Variants in NFIA observed in about 807,000 individuals in gnomAD.
NFIA encodes nuclear factor 1 A-type.
A neutral mutation model predicts 62.8 loss-of-function variants in NFIA; 8 were observed. The observed-to-expected ratio is 0.13, with a 90% CI of 0.07 to 0.23. The LOEUF (loss-of-function observed/expected upper bound fraction) is 0.23, where lower values mean the gene tolerates loss of function less well. NFIA is among the 10% of genes least tolerant of loss of function. The pLI is 1.00. For missense variants in NFIA, 410 were observed against 642.1 expected (o/e 0.64, Z 3.91); for synonymous variants, 235 against 238.1 (o/e 0.99, Z 0.12).
intron 2 of NFIA, among the ~76,000 whole-genome samples, chr1:61,149,290 A>G (rs1383550566): frequency 1.3e-5 from 2 of 151,988 alleles, no homozygotes; most frequent in Non-Finnish European, 2.9e-5. Context: ...AAATGAACCA[A>G]GTTTGTTTTG....
At chr1:61,361,461 G>A (rs1663286352) in intron 6 of NFIA, among the ~76,000 whole-genome samples, 1 of 152,110 alleles carries the variant, frequency 6.6e-6, no homozygotes, top group Admixed American at 6.6e-5. Flanking sequence ...TATAGGTTTG[G>A]TACATTTGTG....
At chr1:61,092,405 T>C (rs918941392) in intron 2 of NFIA, among the ~76,000 whole-genome samples, 2 of 152,200 alleles carry the variant, frequency 1.3e-5, no homozygotes, top group African/African-American at 4.8e-5. Context: ...CACGGTAATC[T>C]TTTAGTGCAG....
chr1:61,226,368 T>G (rs1290641878), intron 2 of NFIA, among the ~76,000 whole-genome samples: 2 of 152,206 alleles, frequency 1.3e-5, no homozygotes, highest in Non-Finnish European at 2.9e-5. Flanking sequence ...TTCATAATAT[T>G]CCTTTACAAA....
At chr1:61,297,329 G>C (rs1407498997) in intron 3 of NFIA, among the ~76,000 whole-genome samples, 1 of 152,100 alleles carries the variant, frequency 6.6e-6, no homozygotes, top group Non-Finnish European at 1.5e-5. Context: ...AAGAGGCAGT[G>C]CCATTAACCT....
chr1:61,145,251 G>A (rs919637674), intron 2 of NFIA, among the ~76,000 whole-genome samples: 48 of 152,200 alleles, frequency 3.2e-4, no homozygotes, highest in African/African-American at 1.0e-3. Context: ...ACATACTGCC[G>A]TATAACCTGA....
intron 10 of NFIA, among the ~76,000 whole-genome samples, chr1:61,427,741 G>T (rs1666933850): frequency 6.6e-6 from 1 of 152,184 alleles, no homozygotes; most frequent in Non-Finnish European, 1.5e-5. Flanking sequence ...AGGACAGGGG[G>T]AGCTAAAAGG....
At chr1:61,146,095 T>C (rs541466097) in intron 2 of NFIA, among the ~76,000 whole-genome samples, 3 of 152,292 alleles carry the variant, frequency 2.0e-5, no homozygotes, top group Admixed American at 1.3e-4. Flanking sequence ...GAGAACCTGT[T>C]CCTTGGGCCT....
chr1:61,218,559 AAAG>A (rs1275907262), intron 2 of NFIA, among the ~76,000 whole-genome samples: 6 of 152,224 alleles, frequency 3.9e-5, no homozygotes, highest in Non-Finnish European at 8.8e-5. Context: ...ATTCTAGGAA[AAAG>A]AAGAAAATAA....
At chr1:61,358,257 C>A (rs920136375) in intron 5 of NFIA, among the ~76,000 whole-genome samples, 4 of 151,550 alleles carry the variant, frequency 2.6e-5, no homozygotes, top group African/African-American at 9.7e-5. Flanking sequence ...TAGAGCAGGA[C>A]CTGGACTAGC....
At chr1:61,400,916 GAAAC>G (rs1665527066) in intron 7 of NFIA, among the ~76,000 whole-genome samples, 1 of 152,202 alleles carries the variant, frequency 6.6e-6, no homozygotes, top group Non-Finnish European at 1.5e-5. Flanking sequence ...GGAGAGAAGA[GAAAC>G]AAAGTTAGGC....
intron 2 of NFIA, among the ~76,000 whole-genome samples, chr1:61,138,768 G>C (rs1220388544): frequency 1.3e-5 from 2 of 151,732 alleles, no homozygotes; most frequent in Non-Finnish European, 2.9e-5. Flanking sequence ...CTTTAGTAGA[G>C]ACATGGTTTC....
intron 2 of NFIA, among the ~76,000 whole-genome samples, chr1:61,276,178 G>A (rs985779190): frequency 5.3e-5 from 8 of 152,176 alleles, no homozygotes; most frequent in Non-Finnish European, 1.0e-4. Context: ...AAGATTATCT[G>A]AAAATTTTAA....
chr1:61,367,476 G>A (rs1371365530), intron 6 of NFIA, among the ~76,000 whole-genome samples: 1 of 152,208 alleles, frequency 6.6e-6, no homozygotes, highest in East Asian at 1.9e-4. Context: ...CAGTAGGAAA[G>A]CATCATCTGG....
At chr1:61,357,851 A>G (rs1663046865) in intron 5 of NFIA, among the ~76,000 whole-genome samples, 1 of 152,076 alleles carries the variant, frequency 6.6e-6, no homozygotes, top group Admixed American at 6.6e-5. Context: ...GTAGATATGA[A>G]ATCTACTCAT....
In NFIA at chr1:61,387,403, A is replaced by G. The variant is rs978447890; in HGVS notation, c.1075+4038A>G. 2.0e-5 allele frequency among the ~76,000 whole-genome samples: 3 copies of G among 151,542 alleles called. No individual in the cohort carries two copies. In the East Asian group the frequency reaches 5.8e-4, roughly 29 times the overall value. Reference sequence around the variant, plus strand: ...TTTTCACCCAGGCTTTGAAAGTATCATGCTGTCCCTATTGCCTTCGCCCAG... The same window carrying G: ...TTTTCACCCAGGCTTTGAAAGTATCGTGCTGTCCCTATTGCCTTCGCCCAG... On this transcript the variant is annotated intron_variant, in intron 7 of 10. Transcript: ENST00000403491.
chr1:61,134,913 C>T (rs1055193161), intron 2 of NFIA, among the ~76,000 whole-genome samples: 1 of 152,144 alleles, frequency 6.6e-6, no homozygotes, highest in African/African-American at 2.4e-5. Flanking sequence ...CAGAGTTGCA[C>T]ATCTGGAAGA....
chr1:61,125,530 G>A (rs2100478717), intron 2 of NFIA, among the ~76,000 whole-genome samples: 1 of 152,316 alleles, frequency 6.6e-6, no homozygotes, highest in Non-Finnish European at 1.5e-5. Flanking sequence ...TCTATTCAGA[G>A]CACACAAAGA....
chr1:61,376,957 C>G (rs142856117), intron 6 of NFIA, among the ~76,000 whole-genome samples: 6,608 of 152,152 alleles, frequency 0.043, 174 homozygotes, highest in Admixed American at 0.083. Flanking sequence ...TGGCTTATGC[C>G]TGTAATCCCA....
At chr1:61,391,435 A>AACACACACAC (rs60938787) in intron 7 of NFIA, among the ~76,000 whole-genome samples, 130 of 124,668 alleles carry the variant, frequency 1.0e-3, no homozygotes, top group African/African-American at 1.1e-3. Flanking sequence ...TTATGAATCA[A>AACACACACAC]ACACACACAC....
Sources: allele counts gnomAD v4.1 joint callset (sites outside exome capture counted in the v4.1 genomes callset), GRCh38; gene constraint gnomAD v4.1.1; transcripts MANE v1.5; gene names NCBI Gene and HGNC (gene_info 2026-07-23, HGNC 2026-07-21).